The following KHDRBS2 variants were observed in gnomAD, a reference collection of about 807,000 sequenced individuals.
KHDRBS2 encodes the protein KH RNA binding domain containing, signal transduction associated 2.
A neutral mutation model predicts 44.3 loss-of-function variants in KHDRBS2; 26 were observed. The ratio of observed to expected loss-of-function variants is 0.59; its 90% CI spans 0.43 to 0.81. KHDRBS2 has a LOEUF of 0.81. Ranked by LOEUF, KHDRBS2 falls within the 40% of genes least tolerant of loss-of-function variation. The pLI is 0.00. For synonymous variants in KHDRBS2, 194 were observed against 151.1 expected (o/e 1.28, Z -2.08); for missense variants, 476 against 433.1 (o/e 1.10, Z -0.88).
chr6:61,788,485 T>A (rs1784161307), intron 6 of KHDRBS2, among the ~76,000 whole-genome samples: 1 of 151,472 alleles, frequency 6.6e-6, no homozygotes, highest in South Asian at 2.1e-4. Flanking sequence ...TTGTTATACA[T>A]TTGACATGTA....
At chr6:62,053,727 G>T (rs1303405375) in intron 2 of KHDRBS2, among the ~76,000 whole-genome samples, 1 of 151,764 alleles carries the variant, frequency 6.6e-6, no homozygotes, top group Non-Finnish European at 1.5e-5. Flanking sequence ...ACTTTATTCA[G>T]CACCAACGAC....
chr6:62,118,426 G>T (rs1482976677), intron 2 of KHDRBS2, among the ~76,000 whole-genome samples: 3 of 151,924 alleles, frequency 2.0e-5, no homozygotes, highest in African/African-American at 7.3e-5. Context: ...TTTTTTTATT[G>T]CTAAGGAGAA....
chr6:62,187,628 T>A (rs1245237384), intron 1 of KHDRBS2, among the ~76,000 whole-genome samples: 5 of 152,192 alleles, frequency 3.3e-5, no homozygotes, highest in African/African-American at 1.2e-4. Context: ...GCAATTAGTA[T>A]ACTAAATATA....
the KHDRBS2 span, among the ~76,000 whole-genome samples, chr6:61,602,233 G>A: frequency 6.6e-6 from 1 of 152,070 alleles, no homozygotes; most frequent in Non-Finnish European, 1.5e-5. Flanking sequence ...CACCCAAGTA[G>A]CAATGTATTT....
intron 2 of KHDRBS2, among the ~76,000 whole-genome samples, chr6:62,171,469 C>T (rs1189769938): frequency 6.6e-6 from 1 of 151,838 alleles, no homozygotes; most frequent in Non-Finnish European, 1.5e-5. Context: ...CACTGGCATC[C>T]CTGAAAGAGA....
the KHDRBS2 span, among the ~76,000 whole-genome samples, chr6:61,651,793 G>A: frequency 2.2e-4 from 33 of 152,060 alleles, no homozygotes; most frequent in African/African-American, 8.0e-4. Flanking sequence ...AGGAATAAGT[G>A]CATATGCTAT....
intron 7 of KHDRBS2, among the ~76,000 whole-genome samples, chr6:61,710,337 G>A (rs72874895): frequency 0.019 from 2,871 of 151,832 alleles, 53 homozygotes; most frequent in Non-Finnish European, 0.03. Flanking sequence ...AAAGAGAAAG[G>A]AAATCAGAAT....
At chr6:61,940,249 A>C (rs1170763352) in intron 4 of KHDRBS2, among the ~76,000 whole-genome samples, 3 of 152,128 alleles carry the variant, frequency 2.0e-5, no homozygotes, top group Non-Finnish European at 4.4e-5. Flanking sequence ...GTTCAAAAAA[A>C]AAAAAGAATA....
chr6:62,020,898 C>T (rs1584203105), intron 3 of KHDRBS2, among the ~76,000 whole-genome samples: 1 of 151,936 alleles, frequency 6.6e-6, no homozygotes, highest in Non-Finnish European at 1.5e-5. Context: ...CAAAATAATA[C>T]AAACCGTTGT....
At chr6:62,014,452 T>C (rs1366062021) in intron 3 of KHDRBS2, among the ~76,000 whole-genome samples, 2 of 152,182 alleles carry the variant, frequency 1.3e-5, no homozygotes, top group East Asian at 3.8e-4. Context: ...CAAAATTGTT[T>C]ATGAATAAGT....
chr6:62,070,082 T>C (rs1282972733), intron 2 of KHDRBS2, among the ~76,000 whole-genome samples: 1 of 151,784 alleles, frequency 6.6e-6, no homozygotes, highest in African/African-American at 2.4e-5. Context: ...TTTTTGCTCC[T>C]TATTTAATTA....
the KHDRBS2 span, among the ~76,000 whole-genome samples, chr6:61,634,442 C>T: frequency 1.3e-5 from 2 of 151,970 alleles, no homozygotes; most frequent in African/African-American, 4.8e-5. Flanking sequence ...GATTTCAATT[C>T]TCTGGTGACT....
Position 62,238,199 on chromosome 6 carries a change from A to G in KHDRBS2, c.91+47659T>C, listed in dbSNP as rs192056406. The stretch of plus-strand genomic sequence containing the variant: ...TCTAGCATACACTATTTTGCACAGT[A>G]GCTTATTAATAATATGTATGAAAAA... On this transcript the variant is annotated intron_variant, in intron 1 of 8. Transcript: ENST00000281156. 1.3e-4 allele frequency among the ~76,000 whole-genome samples: 20 copies of G among 152,342 alleles called. 1 individual carries two copies. The highest frequency in any genetic ancestry group is 1.0e-3 in the Admixed American group (16 of 15,296).
chr6:62,214,015 T>G (rs1272070651), intron 1 of KHDRBS2, among the ~76,000 whole-genome samples: 5 of 152,132 alleles, frequency 3.3e-5, no homozygotes, highest in Admixed American at 3.3e-4. Flanking sequence ...AGTATAAAAT[T>G]TATTTAGAAA....
At chr6:62,125,995 T>C (rs893980184) in intron 2 of KHDRBS2, among the ~76,000 whole-genome samples, 1 of 152,086 alleles carries the variant, frequency 6.6e-6, no homozygotes, top group Non-Finnish European at 1.5e-5. Context: ...TCTTGAAGCT[T>C]AGATACCAGC....
chr6:61,658,593 A>T, the KHDRBS2 span, among the ~76,000 whole-genome samples: 2 of 151,928 alleles, frequency 1.3e-5, no homozygotes, highest in African/African-American at 4.8e-5. Flanking sequence ...AATTTTAAAA[A>T]CACACATTTC....
chr6:61,761,462 T>C (rs1477325692), intron 6 of KHDRBS2, among the ~76,000 whole-genome samples: 2 of 152,194 alleles, frequency 1.3e-5, no homozygotes, highest in Non-Finnish European at 2.9e-5. Flanking sequence ...TTCATTTTAA[T>C]CTAGGAGATT....
chr6:61,876,771 A>C (rs1799466384), intron 6 of KHDRBS2, among the ~76,000 whole-genome samples: 1 of 152,080 alleles, frequency 6.6e-6, no homozygotes, highest in Non-Finnish European at 1.5e-5. Flanking sequence ...ACATGGTTTT[A>C]TGTAATGTTT....
intron 2 of KHDRBS2, among the ~76,000 whole-genome samples, chr6:62,118,194 G>A (rs1472009466): frequency 6.6e-6 from 1 of 152,146 alleles, no homozygotes; most frequent in Admixed American, 6.6e-5. Flanking sequence ...TTGTCAAAAT[G>A]ACTTGACAAT....
Sources: allele counts gnomAD v4.1 joint callset (sites outside exome capture counted in the v4.1 genomes callset), GRCh38; gene constraint gnomAD v4.1.1; transcripts MANE v1.5; gene names NCBI Gene and HGNC (gene_info 2026-07-23, HGNC 2026-07-21).